WWOX: variants seen among roughly 807,000 people sequenced by gnomAD.
WWOX encodes the protein WW domain-containing oxidoreductase.
In WWOX, 69 loss-of-function variants were observed where a neutral mutation model predicts 46.2. The observed-to-expected ratio is 1.49, with a 90% CI of 1.23 to 1.82. The LOEUF is 1.82. Ranked by LOEUF, WWOX falls within the 40% of genes most tolerant of loss-of-function variation. The probability of loss-of-function intolerance (pLI) is 0.00; values close to 1 mark genes in which losing one functional copy is unlikely to be tolerated. For synonymous variants in WWOX, 359 were observed against 202.6 expected, an observed-to-expected ratio of 1.77 and a Z score of -6.56; for missense variants, 919 against 542.6, an observed-to-expected ratio of 1.69 and a Z score of -6.89.
intron 1 of WWOX, among the ~76,000 whole-genome samples, chr16:78,103,969 G>T (rs78215159): frequency 6.6e-6 from 1 of 152,026 alleles, no homozygotes; most frequent in South Asian, 2.1e-4. Flanking sequence ...GGGTGAGGTC[G>T]AGGTAGACCG....
At chr16:78,818,435 A>T (rs1232308620) in intron 8 of WWOX, among the ~76,000 whole-genome samples, 1 of 152,250 alleles carries the variant, frequency 6.6e-6, no homozygotes, top group African/African-American at 2.4e-5. Context: ...AGGACAAGGC[A>T]GGCCCAGTTT....
chr16:78,323,969 C>A (rs1400259055), intron 5 of WWOX, among the ~76,000 whole-genome samples: 1 of 152,106 alleles, frequency 6.6e-6, no homozygotes, highest in Non-Finnish European at 1.5e-5. Flanking sequence ...CTGTGCTAGG[C>A]ATTTTTGGAT....
At chr16:78,869,607 C>T (rs1467755897) in intron 8 of WWOX, among the ~76,000 whole-genome samples, 2 of 152,150 alleles carry the variant, frequency 1.3e-5, no homozygotes, top group African/African-American at 2.4e-5. Context: ...CGCATGGGCT[C>T]GTTGGGAAAG....
chr16:78,680,816 G>T (rs543782157), intron 8 of WWOX, among the ~76,000 whole-genome samples: 1 of 152,080 alleles, frequency 6.6e-6, no homozygotes, highest in Non-Finnish European at 1.5e-5. Flanking sequence ...GATGGTTAAA[G>T]CTTAGTTTTA....
intron 8 of WWOX, among the ~76,000 whole-genome samples, chr16:78,542,135 C>T (rs1333073085): frequency 6.8e-6 from 1 of 147,268 alleles, no homozygotes. Flanking sequence ...TCCCAAATTT[C>T]TATCGACACT....
At chr16:78,670,490 A>T (rs2047433919) in intron 8 of WWOX, among the ~76,000 whole-genome samples, 1 of 152,158 alleles carries the variant, frequency 6.6e-6, no homozygotes, top group Non-Finnish European at 1.5e-5. Flanking sequence ...ATCGGAAATC[A>T]TGTCACCCTC....
chr16:78,851,087 A>T (rs1386138781), intron 8 of WWOX, among the ~76,000 whole-genome samples: 1 of 152,152 alleles, frequency 6.6e-6, no homozygotes, highest in Non-Finnish European at 1.5e-5. Context: ...AGGTGACTTA[A>T]TTTCCAGAAG....
At chr16:78,994,517 G>C (rs960978997) in intron 8 of WWOX, 1 of 152,180 alleles carries the variant, frequency 6.6e-6, no homozygotes, top group Non-Finnish European at 1.5e-5. Flanking sequence ...AATGCAATGC[G>C]AATGGTCTTG....
intron 8 of WWOX, among the ~76,000 whole-genome samples, chr16:78,829,481 C>T (rs886820644): frequency 3.3e-5 from 5 of 152,198 alleles, no homozygotes; most frequent in East Asian, 1.9e-4. Context: ...ATCACCCTCA[C>T]AGACACACAC....
At chr16:78,518,328 A>T (rs2043281537) in intron 8 of WWOX, among the ~76,000 whole-genome samples, 1 of 151,998 alleles carries the variant, frequency 6.6e-6, no homozygotes, top group Admixed American at 6.6e-5. Context: ...GCCTCCTGGG[A>T]TCAAGTGATT....
At chr16:78,667,520 A>C (rs1311728405) in intron 8 of WWOX, among the ~76,000 whole-genome samples, 1 of 151,806 alleles carries the variant, frequency 6.6e-6, no homozygotes, top group Non-Finnish European at 1.5e-5. Context: ...AAGTACAAAA[A>C]ATTAGCCAGG....
chr16:78,504,852 C>G (rs1036310460), intron 8 of WWOX, among the ~76,000 whole-genome samples: 1 of 152,036 alleles, frequency 6.6e-6, no homozygotes. Flanking sequence ...TATTTACTTT[C>G]TAGAATATCT....
At chr16:78,367,478 A>C (rs2081564795) in intron 5 of WWOX, among the ~76,000 whole-genome samples, 2 of 152,168 alleles carry the variant, frequency 1.3e-5, no homozygotes, top group South Asian at 4.1e-4. Context: ...ACAGCCCAAG[A>C]TAATTCTTTG....
At chr16:79,154,272 C>G (rs556553659) in intron 8 of WWOX, among the ~76,000 whole-genome samples, 24 of 152,210 alleles carry the variant, frequency 1.6e-4, no homozygotes, top group African/African-American at 4.3e-4. Flanking sequence ...GTGAGGTCAC[C>G]GTGGGAATGG....
chr16:79,085,520 C>T (rs1483057167), intron 8 of WWOX, among the ~76,000 whole-genome samples: 1 of 152,128 alleles, frequency 6.6e-6, no homozygotes, highest in Admixed American at 6.6e-5. Flanking sequence ...ACCTAGAAAA[C>T]TAATTTCCTA....
chr16:78,335,214 G>T (rs1055526452), intron 5 of WWOX, among the ~76,000 whole-genome samples: 2 of 152,122 alleles, frequency 1.3e-5, no homozygotes, highest in African/African-American at 4.8e-5. Context: ...GTGGTTTGCT[G>T]CAGAGATCAA....
chr16:78,208,336 A>T (rs527604804), intron 5 of WWOX, among the ~76,000 whole-genome samples: 2 of 152,340 alleles, frequency 1.3e-5, no homozygotes, highest in Non-Finnish European at 2.9e-5. Context: ...CTTGAAATAA[A>T]TACTCTTGAA....
rs777083905 is a variant in WWOX, at chr16:78,879,963, C to T, written c.1057-331645C>T. Among the ~76,000 whole-genome samples, 7 of 151,968 alleles carry T rather than the reference C, an allele frequency of 4.6e-5. No individual in the cohort carries two copies. In the South Asian group the frequency reaches 6.2e-4, roughly 14 times the overall value. On this transcript the variant is annotated intron_variant, in intron 8 of 8. Transcript: ENST00000566780. ...GTATTATCCTTTAGTTTAAGCCTCACATTTTTCTAAACATTTTGAAATCTG... is the reference window on the plus strand; with the variant it reads ...GTATTATCCTTTAGTTTAAGCCTCATATTTTTCTAAACATTTTGAAATCTG...
chr16:78,297,690 T>G (rs1428405416), intron 5 of WWOX, among the ~76,000 whole-genome samples: 1 of 152,186 alleles, frequency 6.6e-6, no homozygotes, highest in Non-Finnish European at 1.5e-5. Context: ...CAGTGTAGCA[T>G]TATTTTGTAA....
Sources: gnomAD v4.1 joint callset for allele counts (sites outside exome capture counted in the v4.1 genomes callset) on GRCh38, gnomAD v4.1.1 for gene constraint, MANE v1.5 for transcripts, NCBI Gene and HGNC (gene_info 2026-07-23, HGNC 2026-07-21) for gene names.